The following RAD51 variants were observed in gnomAD, a reference collection of about 807,000 sequenced individuals.
The protein encoded by RAD51 is RAD51 recombinase.
Under a neutral mutation model 41.5 loss-of-function variants are expected in RAD51, and 14 were observed. The ratio of observed to expected loss-of-function variants is 0.34; its 90% CI spans 0.22 to 0.53. The LOEUF (loss-of-function observed/expected upper bound fraction) is 0.53. Ranked by LOEUF, RAD51 falls within the 20% of genes least tolerant of loss-of-function variation. The pLI is 0.95. For missense variants in RAD51, 234 were observed against 422.0 expected, an observed-to-expected ratio of 0.55 and a Z score of 3.90; for synonymous variants, 136 against 148.6, an observed-to-expected ratio of 0.92 and a Z score of 0.62.
At position 40,709,194 on chromosome 15, in the gene RAD51, G is replaced by A. The variant is rs146532576; in HGVS notation, c.435+78G>A. 88 of 1,232,602 alleles carry A rather than the reference G, an allele frequency of 7.1e-5. No homozygotes were observed. In the African/African-American group the frequency reaches 1.3e-3, roughly 18 times the overall value. 76.4% of individuals were successfully genotyped at this position (1,232,602 alleles called of 1,614,324 possible). On this transcript the variant is annotated intron_variant, in intron 5 of 9. Coordinates refer to ENST00000267868, the MANE Select transcript of RAD51 (RefSeq NM_002875.5). ...GCTATTTGCAAGCATCTGTTAGGATGGCCATAAAAGGTACTTTCTCTGTCC... is the reference window on the plus strand; with the variant it reads ...GCTATTTGCAAGCATCTGTTAGGATAGCCATAAAAGGTACTTTCTCTGTCC...
chr15:40,700,990 T>C (rs576434229), intron 2 of RAD51, 74 bp from the exon 3 acceptor site: 3 of 1,576,492 alleles, frequency 1.9e-6, no homozygotes, highest in Non-Finnish European at 2.6e-6. Flanking sequence ...CTGTGAAGTA[T>C]GTAGGACACA....
chr15:40,707,827 C>T (rs1895448275), intron 4 of RAD51, among the ~76,000 whole-genome samples: 1 of 152,062 alleles, frequency 6.6e-6, no homozygotes, highest in Admixed American at 6.6e-5. Context: ...GAGCAGTTCT[C>T]CTGCCTCAGT....
At chr15:40,699,728 G>A (rs1894864792) in intron 2 of RAD51, among the ~76,000 whole-genome samples, 1 of 152,220 alleles carries the variant, frequency 6.6e-6, no homozygotes, top group South Asian at 2.1e-4. Context: ...TTGGCAGAGA[G>A]AAGGGTGTGG....
intron 1 of RAD51, among the ~76,000 whole-genome samples, chr15:40,698,313 C>T (rs771577700): frequency 5.6e-4 from 85 of 151,922 alleles, no homozygotes; most frequent in Non-Finnish European, 1.1e-3. Flanking sequence ...CTCAGCCTCC[C>T]GAGTAGCTGG....
intron 6 of RAD51, among the ~76,000 whole-genome samples, chr15:40,720,124 T>C (rs1251302770): frequency 6.6e-6 from 1 of 152,074 alleles, no homozygotes; most frequent in Non-Finnish European, 1.5e-5. Context: ...AACCTACAGG[T>C]AGCATCATAC....
chr15:40,710,501 C>CAAAAAAAAAAAA (rs747933816), intron 5 of RAD51, among the ~76,000 whole-genome samples: 10 of 48,606 alleles, frequency 2.1e-4, no homozygotes, highest in East Asian at 5.9e-4. Flanking sequence ...GACTCTGTCT[C>CAAAAAAAAAAAA]AAAAAAAAAA....
chr15:40,704,566 T>C (rs1005575552), intron 3 of RAD51, among the ~76,000 whole-genome samples: 4 of 150,846 alleles, frequency 2.7e-5, no homozygotes, highest in African/African-American at 9.8e-5. Flanking sequence ...TTCACCATAT[T>C]GGGCAGGCTG....
At chr15:40,718,043 G>A (rs1368926531) in intron 5 of RAD51, among the ~76,000 whole-genome samples, 1 of 151,046 alleles carries the variant, frequency 6.6e-6, no homozygotes, top group Non-Finnish European at 1.5e-5. Flanking sequence ...ACCAGCCTGG[G>A]CAATGTGGCA....
Position 40,700,478 on chromosome 15 carries a change from G to C in RAD51, c.88-586G>C, listed in dbSNP as rs75967689. Among the ~76,000 whole-genome samples, 964 of 152,164 alleles carry C rather than the reference G, an allele frequency of 6.3e-3. 11 individuals are homozygous for C. The highest frequency in any genetic ancestry group is 0.022 in the African/African-American group (917 of 41,494). On this transcript the variant is annotated intron_variant, in intron 2 of 9. Coordinates refer to ENST00000267868, the MANE Select transcript of RAD51 (RefSeq NM_002875.5). The stretch of plus-strand genomic sequence containing the variant: ...ACAGTTTTTTATGTGTGCTTGATGT[G>C]GAAAGTGTTGAGCAACACTGTCTTA...
intron 1 of RAD51, among the ~76,000 whole-genome samples, chr15:40,697,574 CTTTTTTTTTTTT>C (rs11340353): frequency 2.8e-5 from 3 of 105,516 alleles, no homozygotes; most frequent in Non-Finnish European, 5.5e-5. Flanking sequence ...GATGATATTT[CTTTTTTTTTTTT>C]TTTTTTTTTG....
Position 40,731,292 on chromosome 15 carries a change from T to G in RAD51, c.*114T>G. The G allele has an allele frequency of 8.3e-6, 12 of 1,450,588 alleles. No individual in the cohort carries two copies. Among genetic ancestry groups the G allele is most frequent in the Non-Finnish European group, 1.1e-5 (12 of 1,043,948 alleles). The allele number at this position is 1,450,588 out of a possible 1,614,324, so 89.9% of individuals were successfully genotyped here. A position where few individuals can be genotyped will look rare whatever the true frequency, so the allele number is the denominator to read the frequency against. ...CTGTTGTGACTGCCAGGATAAAGCT[T>G]CCGGGAAAACAGCTATTATATCAGC... On this transcript the variant is annotated 3_prime_UTR_variant, in exon 10 of 10. Coordinates refer to ENST00000267868, the MANE Select transcript of RAD51 (RefSeq NM_002875.5).
rs1017862702 is a variant in RAD51 at position 40,731,489 on chromosome 15, T to C, written c.*311T>C. The C allele has an allele frequency of 2.4e-6, 1 of 414,852 alleles. No individual in the cohort carries two copies. The highest frequency in any genetic ancestry group is 4.5e-6 in the Non-Finnish European group (1 of 222,914). 25.7% of individuals were successfully genotyped at this position (414,852 alleles called of 1,614,324 possible). A position where few individuals can be genotyped will look rare whatever the true frequency, so the allele number is the denominator to read the frequency against. On this transcript the variant is annotated 3_prime_UTR_variant, in exon 10 of 10. Transcript: ENST00000267868. Reference sequence around the variant, plus strand: ...GACTTGGGTTTAACAAGCTGTCTACTGGACAATCTTATGTTTCCAAGAGAA... The same window carrying C: ...GACTTGGGTTTAACAAGCTGTCTACCGGACAATCTTATGTTTCCAAGAGAA...
intron 5 of RAD51, among the ~76,000 whole-genome samples, chr15:40,711,187 G>A (rs1440358335): frequency 6.6e-6 from 1 of 152,116 alleles, no homozygotes; most frequent in Non-Finnish European, 1.5e-5. Flanking sequence ...TTGAGACCAG[G>A]AATTTGAGAC....
chr15:40,724,670 A>ATTTG (rs757564729), intron 6 of RAD51, among the ~76,000 whole-genome samples: 1,512 of 71,900 alleles, frequency 0.021, 150 homozygotes, highest in Middle Eastern at 0.056. Context: ...TAATTTTTTT[A>ATTTG]TTTCTTTTTT....
chr15:40,704,672 T>C (rs1595985069), intron 3 of RAD51, among the ~76,000 whole-genome samples: 1 of 18,702 alleles, frequency 5.3e-5, no homozygotes, highest in African/African-American at 3.1e-4. Flanking sequence ...CCCTACTAAT[T>C]TTTTTTTTTT....
intron 6 of RAD51, among the ~76,000 whole-genome samples, chr15:40,721,394 G>C (rs1016087564): frequency 6.6e-6 from 1 of 152,138 alleles, no homozygotes; most frequent in African/African-American, 2.4e-5. Context: ...TTATTATAAA[G>C]CTACAATAAC....
chr15:40,730,161 C>T (rs1486303971), intron 9 of RAD51, among the ~76,000 whole-genome samples, 187 bp downstream of exon 9: 1 of 152,058 alleles, frequency 6.6e-6, no homozygotes, highest in African/African-American at 2.4e-5. Flanking sequence ...AATTAAAAAC[C>T]CACAAGTGTG....
chr15:40,713,258 T>TG (rs1199873045), intron 5 of RAD51, among the ~76,000 whole-genome samples: 4 of 150,230 alleles, frequency 2.7e-5, no homozygotes, highest in Admixed American at 1.3e-4. Flanking sequence ...TTTTTTTTTT[T>TG]TTTTATTTGA....
At chr15:40,716,900 G>A (rs1896018777) in intron 5 of RAD51, among the ~76,000 whole-genome samples, 1 of 152,026 alleles carries the variant, frequency 6.6e-6, no homozygotes, top group African/African-American at 2.4e-5. Context: ...GACCTCAGGT[G>A]ATCCACCTGC....
Sources: allele counts gnomAD v4.1 joint callset (sites outside exome capture counted in the v4.1 genomes callset), GRCh38; gene constraint gnomAD v4.1.1; transcripts MANE v1.5; gene names NCBI Gene and HGNC (gene_info 2026-07-23, HGNC 2026-07-21).